Variants in NCAPD3 observed in about 807,000 individuals in gnomAD.
NCAPD3 encodes the protein non-SMC condensin II complex subunit D3, also known as condensin-2 complex subunit D3.
In NCAPD3, 105 loss-of-function variants were observed where a neutral mutation model predicts 182.9. The observed-to-expected ratio is 0.57, with a 90% CI of 0.49 to 0.68. NCAPD3 has a LOEUF of 0.68. NCAPD3 is among the 30% of genes least tolerant of loss of function. NCAPD3 has a pLI of 0.00. For synonymous variants in NCAPD3, 815 were observed against 679.9 expected (o/e 1.20, Z -3.09); for missense variants, 1,944 against 1,837.0 (o/e 1.06, Z -1.07).
Position 134,204,907 on chromosome 11 carries a change from A to C in NCAPD3, c.1081T>G (p.Cys361Gly), listed in dbSNP as rs1448262318. ...ACTAAGGCAAACAGTACCTTGGCAC[A>C]GATGTGCTGCAGTAAGATACGGACG... ...PVVRILLQHICAKVVDKSEYR... is the reference protein window; with the variant it reads ...PVVRILLQHIGAKVVDKSEYR... Residue 361 changes from cysteine to glycine, a missense_variant, in exon 9 of 35, where the codon TGT becomes GGT. By Grantham distance (159) the Cys-to-Gly change is radical. Transcript: ENST00000534548. The surrounding 1 kb of genome is among the most constrained non-coding windows in gnomAD (Gnocchi z 4.3). The C allele has an allele frequency of 6.2e-7, 1 of 1,611,838 alleles. No homozygotes were observed. Among genetic ancestry groups the C allele is most frequent in the South Asian group, 1.1e-5 (1 of 90,998 alleles).
In NCAPD3 at chr11:134,169,012, G is replaced by C. The variant is rs143188183; in HGVS notation, c.3144C>G (p.Asn1048Lys). The stretch of plus-strand genomic sequence containing the variant: ...TGAAGTGTTGGAAGAACATGACAGG[G>C]TTCCTCTTCAGTAACAGGTGAGCCA... The part of the protein sequence containing the change: ...FCLAHLLLKR[N>K]PVMFFQHFIE... The change falls in exon 25 of 35, where the codon AAC (asparagine) becomes AAG (lysine). Residue 1048 changes from asparagine to lysine, a missense_variant. Around this residue, in one of 3 missense-constraint regions of NCAPD3, gnomAD observed 1,803 missense variants for 1,674.6 expected, o/e 1.08. Coordinates refer to ENST00000534548, the MANE Select transcript of NCAPD3 (RefSeq NM_015261.3). 23 of 1,614,036 alleles carry C rather than the reference G, an allele frequency of 1.4e-5. No homozygotes were observed. In the African/African-American group the frequency reaches 2.5e-4, roughly 18 times the overall value.
chr11:134,218,711 C>T (rs1346251133), intron 2 of NCAPD3, among the ~76,000 whole-genome samples: 3 of 152,172 alleles, frequency 2.0e-5, no homozygotes, highest in East Asian at 1.9e-4. Context: ...TCCTAGTTCA[C>T]AAGGCCCTAT....
In NCAPD3 at chr11:134,217,055, G is replaced by A. The variant is rs1938052276; in HGVS notation, c.263C>T (p.Thr88Ile). 4 of 1,613,636 alleles carry A rather than the reference G, an allele frequency of 2.5e-6. No homozygotes were observed. The highest frequency in any genetic ancestry group is 1.3e-5 in the African/African-American group (1 of 74,882). Residue 88 changes from threonine (T) to isoleucine (I), a missense_variant, in exon 3 of 35, where the codon ACA becomes ATA. Coordinates refer to ENST00000534548, the MANE Select transcript of NCAPD3 (RefSeq NM_015261.3). Reference sequence around the variant, plus strand: ...AAAATGATAGAACAATGCCACCAGTGTACTATGGGAAACATTGTTCTCAAT... The same window carrying A: ...AAAATGATAGAACAATGCCACCAGTATACTATGGGAAACATTGTTCTCAAT... ...FFIENNVSHSTLVALFYHFVQ... is the reference protein window; with the variant it reads ...FFIENNVSHSILVALFYHFVQ...
At chr11:134,153,634 CCCG>C in intron 32 of NCAPD3, 3 of 510,900 alleles carry the variant, frequency 5.9e-6, no homozygotes, top group Middle Eastern at 5.4e-4. Flanking sequence ...TGGCTTCCCT[CCCG>C]CCGTCTTCCA....
intron 27 of NCAPD3, among the ~76,000 whole-genome samples, chr11:134,165,810 C>T (rs1378324806): frequency 9.3e-5 from 12 of 129,084 alleles, no homozygotes; most frequent in Admixed American, 5.7e-4. Context: ...TGCACACTCA[C>T]TTGTGAGATG....
chr11:134,157,184 C>A (rs932327132), intron 31 of NCAPD3, 89 bp from the exon 32 acceptor site: 2 of 1,022,624 alleles, frequency 2.0e-6, no homozygotes, highest in Non-Finnish European at 2.9e-6. Flanking sequence ...ATCTGCAAGA[C>A]GTAAAGTCAA....
intron 31 of NCAPD3, 113 bp from the exon 32 acceptor site, chr11:134,157,208 T>C: frequency 5.4e-6 from 4 of 738,768 alleles, no homozygotes; most frequent in Non-Finnish European, 8.6e-6. Context: ...CACTAGTGTT[T>C]ACAATTTTCT....
chr11:134,161,115 GA>G (rs558739844), intron 28 of NCAPD3, among the ~76,000 whole-genome samples: 252 of 151,576 alleles, frequency 1.7e-3, no homozygotes, highest in Non-Finnish European at 1.3e-3. Context: ...GCCTTTATTG[GA>G]AAAAAAATTG....
chr11:134,178,584 C>A, intron 22 of NCAPD3, 50 bp downstream of exon 22: 1 of 1,385,448 alleles, frequency 7.2e-7, no homozygotes, highest in South Asian at 1.5e-5. Flanking sequence ...CTTAAGACAA[C>A]AGCTACACAC....
Position 134,192,734 on chromosome 11 carries a change from G to A in NCAPD3, c.2000C>T (p.Ala667Val), listed in dbSNP as rs1944550205. The change falls in exon 16 of 35, where the codon GCC (alanine) becomes GTC (valine). Residue 667 changes from alanine to valine, a missense_variant. By Grantham distance (64) the Ala-to-Val change is moderately conservative. Around this residue, in one of 3 missense-constraint regions of NCAPD3, gnomAD observed 1,803 missense variants for 1,674.6 expected, o/e 1.08. Transcript: ENST00000534548. ...FHSGDDSQVL[A>V]WALLTLLTTE... ...GGTGAGGAGAGTAAGAAGCGCCCAG[G>A]CGAGGACCTGGCTGTCGTCCCCAGA... 1.9e-6 allele frequency: 3 copies of A among 1,614,070 alleles called. No homozygotes were observed. In the Admixed American group the frequency reaches 5.0e-5, roughly 27 times the overall value.
Position 134,178,862 on chromosome 11 carries a change from C to T in NCAPD3, c.2634G>A (p.Leu878=). The change falls in exon 21 of 35, where the codon CTG becomes CTA. Residue 878 remains leucine, a synonymous_variant. Coordinates refer to ENST00000534548, the MANE Select transcript of NCAPD3 (RefSeq NM_015261.3). The part of the protein sequence containing the change: ...PARVEKRIFL[L]IQSVLASSAD... ...CAGACGAAGCCAGGACGGACTGAAT[C>T]AGAAGGAAGATGCGCTTCTCCACCC... The T allele has an allele frequency of 1.2e-6, 2 of 1,614,164 alleles. No homozygotes were observed. The highest frequency in any genetic ancestry group is 1.7e-6 in the Non-Finnish European group (2 of 1,180,024).
rs1591812874 is a variant in NCAPD3, at chr11:134,150,655, GTTTGTTTAA to G, written c.*2280_*2288del. The G allele has an allele frequency of 6.6e-6, 1 of 151,150 alleles. No individual in the cohort carries two copies. Among genetic ancestry groups the G allele is most frequent in the East Asian group, 1.9e-4 (1 of 5,192 alleles). 9.4% of individuals were successfully genotyped at this position (151,150 alleles called of 1,614,324 possible). A position where few individuals can be genotyped will look rare whatever the true frequency, so the allele number is the denominator to read the frequency against. On this transcript the variant is annotated 3_prime_UTR_variant, in exon 35 of 35. Coordinates refer to ENST00000534548, the MANE Select transcript of NCAPD3 (RefSeq NM_015261.3). The stretch of plus-strand genomic sequence containing the variant: ...CCCCAATGCTATTTTTTTTTTTTAA[GTTTGTTTAA>G]TTATTTGTTAAGATTGTCTAAGGCC...
At chr11:134,205,851 G>T (rs1565552851) in intron 8 of NCAPD3, among the ~76,000 whole-genome samples, 1 of 152,314 alleles carries the variant, frequency 6.6e-6, no homozygotes, top group Non-Finnish European at 1.5e-5. Flanking sequence ...AGTCCTTAGT[G>T]AGAGACATTT....
chr11:134,185,564 G>A (rs1944387178), intron 16 of NCAPD3, 38 bp from the exon 17 acceptor site: 1 of 1,501,600 alleles, frequency 6.7e-7, no homozygotes, highest in South Asian at 1.2e-5. Flanking sequence ...AATTGCAACT[G>A]TAAATATACA....
In NCAPD3 at chr11:134,194,646, G is replaced by T. The variant is rs989741572; in HGVS notation, c.1689+19C>A. ...GTTTTTAGTGCTTAAAAAAAAAAAT[G>T]TGCAGAGAAAACTCCCACCTGCAGT... is the stretch of plus-strand genomic sequence containing the variant. On this transcript the variant is annotated intron_variant, in intron 14 of 34. Coordinates refer to ENST00000534548, the MANE Select transcript of NCAPD3 (RefSeq NM_015261.3). 4 of 1,523,016 alleles carry T rather than the reference G, an allele frequency of 2.6e-6. No individual in the cohort carries two copies. The highest frequency in any genetic ancestry group is 3.6e-6 in the Non-Finnish European group (4 of 1,124,468). The allele number at this position is 1,523,016 out of a possible 1,614,324, so 94.3% of individuals were successfully genotyped here.
At chr11:134,182,058 A>G (rs1944310605) in intron 19 of NCAPD3, among the ~76,000 whole-genome samples, 1 of 152,186 alleles carries the variant, frequency 6.6e-6, no homozygotes, top group Non-Finnish European at 1.5e-5. Flanking sequence ...TACATTTAAA[A>G]TTTTAATAGA....
rs372722015 is a variant in NCAPD3, at chr11:134,208,966, C to A, written c.795-15G>T. On this transcript the variant is annotated splice_polypyrimidine_tract_variant and intron_variant, in intron 6 of 34. Coordinates refer to ENST00000534548, the MANE Select transcript of NCAPD3 (RefSeq NM_015261.3). ...GGTTAAGAGCTCTAAAAAAAAAAGA[C>A]GAAATATTAGTTAATGGATATGATT... 11 of 1,535,500 alleles carry A rather than the reference C, an allele frequency of 7.2e-6. No homozygotes were observed. The highest frequency in any genetic ancestry group is 4.5e-5 in the East Asian group (2 of 44,368).
intron 12 of NCAPD3, 104 bp downstream of exon 12, chr11:134,203,038 C>A: frequency 8.4e-7 from 1 of 1,186,992 alleles, no homozygotes; most frequent in Non-Finnish European, 1.2e-6. Context: ...GAAAAAAGTA[C>A]AATGTTAAAG....
In NCAPD3 at chr11:134,202,867, G is replaced by T; in HGVS notation, c.1564C>A (p.Pro522Thr). 2 of 1,607,670 alleles carry T rather than the reference G, an allele frequency of 1.2e-6. No individual in the cohort carries two copies. Among genetic ancestry groups the T allele is most frequent in the Non-Finnish European group, 1.7e-6 (2 of 1,178,518 alleles). ...YQRQTSNRSE[P>T]SGEINIDSSG... is the part of the protein sequence containing the mutation. ...CTGTCTATGTTGATCTCCCCTGAGG[G>T]TTCGGAACGGTTAGATGTCTGCCTT... The change falls in exon 13 of 35, where the codon CCC (proline) becomes ACC (threonine). Residue 522 changes from proline to threonine, a missense_variant. Coordinates refer to ENST00000534548, the MANE Select transcript of NCAPD3 (RefSeq NM_015261.3).
Sources: gnomAD v4.1 joint callset for allele counts (sites outside exome capture counted in the v4.1 genomes callset) on GRCh38, gnomAD v4.1.1 for gene constraint, gnomAD v4.1.1 regional missense constraint, Gnocchi (gnomAD v3.1) non-coding constraint, MANE v1.5 for transcripts, NCBI Gene and HGNC (gene_info 2026-07-23, HGNC 2026-07-21) for gene names.